The following ZFYVE26 variants were observed in gnomAD, a reference collection of about 807,000 sequenced individuals.
ZFYVE26 encodes the protein zinc finger FYVE-type containing 26.
Under a neutral mutation model 276.5 loss-of-function variants are expected in ZFYVE26, and 181 were observed. That is an observed-to-expected ratio of 0.65 (90% CI 0.58 to 0.74). The LOEUF (loss-of-function observed/expected upper bound fraction) is 0.74. Among genes scored for constraint, ZFYVE26 ranks in the 30% least tolerant of loss-of-function variants. ZFYVE26 has a pLI of 0.00. For missense variants in ZFYVE26, 2,821 were observed against 3,097.9 expected, an observed-to-expected ratio of 0.91 and a Z score of 2.12; for synonymous variants, 1,129 against 1,203.1, an observed-to-expected ratio of 0.94 and a Z score of 1.27.
intron 41 of ZFYVE26, among the ~76,000 whole-genome samples, chr14:67,749,537 G>A (rs1277750600): frequency 6.6e-6 from 1 of 152,168 alleles, no homozygotes; most frequent in Admixed American, 6.5e-5. Context: ...AGCTGCCACA[G>A]AGCTTCTGCC....
chr14:67,809,264 C>T lies in ZFYVE26; in HGVS notation c.299G>A (p.Arg100Lys), dbSNP rs1383786200. ...TGACAATAAAAGAAACTCAAGCTTT[C>T]TCCGGAAAACAACTGGGAGTAACTT... is the stretch of plus-strand genomic sequence containing the variant. ...EKKLLPVVFRRKLEFLLLSED... is the reference protein window; with the variant it reads ...EKKLLPVVFRKKLEFLLLSED... Residue 100 changes from arginine to lysine, a missense_variant, in exon 4 of 42, where the codon AGA becomes AAA. Coordinates refer to ENST00000347230, the MANE Select transcript of ZFYVE26 (RefSeq NM_015346.4). 6.2e-7 allele frequency: 1 copy of T among 1,613,996 alleles called. No individual in the cohort carries two copies. The highest frequency in any genetic ancestry group is 8.5e-7 in the Non-Finnish European group (1 of 1,179,946).
chr14:67,797,810 C>A, intron 11 of ZFYVE26, 55 bp from the exon 12 acceptor site: 4 of 1,606,728 alleles, frequency 2.5e-6, no homozygotes, highest in Non-Finnish European at 3.4e-6. Context: ...TTGATTTGGC[C>A]CTTTCTTGGC....
chr14:67,753,531 T>C (rs901338470), intron 39 of ZFYVE26, among the ~76,000 whole-genome samples, 176 bp downstream of exon 39: 3 of 152,240 alleles, frequency 2.0e-5, no homozygotes, highest in African/African-American at 7.2e-5. Context: ...TCTGGCAAAG[T>C]GGCCTAGAGT....
intron 1 of ZFYVE26, 32 bp from the exon 2 acceptor site, chr14:67,816,078 CAG>C: frequency 1.2e-6 from 1 of 837,668 alleles, no homozygotes. Context: ...TGAGAAGAAA[CAG>C]AAGGCACTGT....
intron 16 of ZFYVE26, among the ~76,000 whole-genome samples, chr14:67,787,009 A>C (rs2039676283): frequency 6.6e-6 from 1 of 152,152 alleles, no homozygotes; most frequent in Non-Finnish European, 1.5e-5. Flanking sequence ...ATTCATGGAG[A>C]TAGAGAATAG....
Position 67,766,298 on chromosome 14 carries a change from C to T in ZFYVE26, c.5940G>A (p.Lys1980=), listed in dbSNP as rs1234092198. The T allele has an allele frequency of 3.7e-6, 6 of 1,613,878 alleles. No homozygotes were observed. In the South Asian group the frequency reaches 5.5e-5, roughly 15 times the overall value. ...TCATCTTGGCGCTGAACAGCAGCTG[C>T]TTCATGATGTCCGTGAGCAGCCCGG... ...VDAGLLTDIM[K]QLLFSAKMMF... is the part of the protein sequence containing the mutation. The change falls in exon 32 of 42, where the codon AAG becomes AAA. Residue 1980 remains lysine (K), a synonymous_variant. Transcript: ENST00000347230.
chr14:67,798,448 A>G lies in ZFYVE26; in HGVS notation c.1814T>C (p.Ile605Thr). Residue 605 changes from isoleucine (I) to threonine (T), a missense_variant, in exon 11 of 42, where the codon ATT (isoleucine) becomes ACT (threonine). Ile to Thr is a moderately conservative substitution (Grantham distance 89). Coordinates refer to ENST00000347230, the MANE Select transcript of ZFYVE26 (RefSeq NM_015346.4). ...CAAACCTGAGGGGCTCTTCCCCTCAATGTCATCATCCTCAGCATAGTCCTC... is the reference window on the plus strand; with the variant it reads ...CAAACCTGAGGGGCTCTTCCCCTCAGTGTCATCATCCTCAGCATAGTCCTC... ...LPEDYAEDDD[I>T]EGKSPSGLRS... 6.2e-7 allele frequency: 1 copy of G among 1,614,096 alleles called. No homozygotes were observed. The highest frequency in any genetic ancestry group is 8.5e-7 in the Non-Finnish European group (1 of 1,179,978).
chr14:67,804,110 G>A lies in ZFYVE26; in HGVS notation c.1426C>T (p.Gln476Ter), dbSNP rs746612556. 1 of 1,614,152 alleles carries A rather than the reference G, an allele frequency of 6.2e-7. No individual in the cohort carries two copies. The highest frequency in any genetic ancestry group is 1.1e-5 in the South Asian group (1 of 91,086). ...LQKVPAKDPQ[Q>*]EPDAVDAPVP... ...TTCCATCCCAACTCACCAGGCTCTT[G>A]CTGGGGGTCCTTGGCTGGCACTTTC... is the stretch of plus-strand genomic sequence containing the variant. Residue 476 changes from glutamine (Q) to a stop codon, truncating the protein, a stop_gained, in exon 9 of 42, where the codon CAA (glutamine) becomes TAA (stop). Transcript: ENST00000347230. LOFTEE classifies it high-confidence loss of function.
At chr14:67,807,261 AGCATC>A (rs1277511641) in intron 5 of ZFYVE26, 132 bp downstream of exon 5, 2 of 1,126,906 alleles carry the variant, frequency 1.8e-6, no homozygotes, top group East Asian at 4.9e-5. Flanking sequence ...TTTACGAAAG[AGCATC>A]GCACCCATTT....
intron 8 of ZFYVE26, 89 bp from the exon 9 acceptor site, chr14:67,804,353 C>T (rs544235529): frequency 2.3e-5 from 35 of 1,489,816 alleles, no homozygotes; most frequent in African/African-American, 1.2e-4. Context: ...TGTTCTTCCT[C>T]TCTGGACCAT....
intron 40 of ZFYVE26, among the ~76,000 whole-genome samples, chr14:67,751,749 T>G (rs2140180223): frequency 6.6e-6 from 1 of 151,784 alleles, no homozygotes; most frequent in East Asian, 1.9e-4. Context: ...GGTGGGCGCC[T>G]GTAGTCCCAG....
intron 13 of ZFYVE26, among the ~76,000 whole-genome samples, chr14:67,732,621 G>C (rs2038297059): frequency 6.6e-6 from 1 of 151,406 alleles, no homozygotes; most frequent in South Asian, 2.1e-4. Flanking sequence ...TTGTCGCCCA[G>C]GCTGGATTTC....
chr14:67,799,367 G>A lies in ZFYVE26; in HGVS notation c.1640-745C>T, dbSNP rs113433313. 2.6e-3 allele frequency: 4,216 copies of A among 1,611,478 alleles called. 110 individuals are homozygous for A. The African/African-American group carries it at 0.048, about 18-fold the overall frequency. ...GCAATCCTATAAGGCCTTTGTCAAA[G>A]AATCGAAACAAAAGATGAATGCAAG... is the stretch of plus-strand genomic sequence containing the variant. On this transcript the variant is annotated intron_variant, in intron 10 of 41. Coordinates refer to ENST00000347230, the MANE Select transcript of ZFYVE26 (RefSeq NM_015346.4).
intron 40 of ZFYVE26, 62 bp downstream of exon 40, chr14:67,752,282 A>C (rs2038667464): frequency 6.5e-7 from 1 of 1,541,808 alleles, no homozygotes; most frequent in Non-Finnish European, 8.8e-7. Context: ...AGAACAATAA[A>C]GATGGGGATG....
At chr14:67,781,634 G>C in intron 21 of ZFYVE26, 105 bp from the exon 22 acceptor site, 1 of 1,000,722 alleles carries the variant, frequency 1.0e-6, no homozygotes, top group Non-Finnish European at 1.5e-6. Context: ...TCGTAAAAGA[G>C]GAGCTTGGAG....
Position 67,775,132 on chromosome 14 carries a change from G to T in ZFYVE26, c.5222-18C>A, listed in dbSNP as rs374317638. On this transcript the variant is annotated intron_variant, in intron 26 of 41. Coordinates refer to ENST00000347230, the MANE Select transcript of ZFYVE26 (RefSeq NM_015346.4). Reference sequence around the variant, plus strand: ...CACAGAATCTGTAGAGAGGGAAAATGCTGACAAAATATGGTTCTACCATAA... The same window carrying T: ...CACAGAATCTGTAGAGAGGGAAAATTCTGACAAAATATGGTTCTACCATAA... 18 of 1,559,242 alleles carry T rather than the reference G, an allele frequency of 1.2e-5. No individual in the cohort carries two copies. Among genetic ancestry groups the T allele is most frequent in the Non-Finnish European group, 1.6e-5 (18 of 1,137,242 alleles).
In ZFYVE26 at chr14:67,762,285, A is replaced by G. The variant is rs367857763; in HGVS notation, c.6287T>C (p.Leu2096Pro). 4.3e-6 allele frequency: 7 copies of G among 1,614,112 alleles called. No homozygotes were observed. The highest frequency in any genetic ancestry group is 1.6e-4 in the Middle Eastern group (1 of 6,062). ...CCTTGAGCCATGATTCAGCTGATTG[A>G]GGTCAAATGGGGGCTTCAGACAGCG... The part of the protein sequence containing the change: ...FSRCLKPPFD[L>P]NQLNHGSRLV... Residue 2096 changes from leucine to proline, a missense_variant, in exon 34 of 42, where the codon CTC becomes CCC. Transcript: ENST00000347230.
At chr14:67,814,661 T>C (rs1054668378) in intron 2 of ZFYVE26, among the ~76,000 whole-genome samples, 6 of 152,206 alleles carry the variant, frequency 3.9e-5, no homozygotes, top group Non-Finnish European at 4.4e-5. Flanking sequence ...CCATAATAGC[T>C]AATACTATCT....
intron 18 of ZFYVE26, 67 bp from the exon 19 acceptor site, chr14:67,785,344 C>G (rs1390354782): frequency 2.8e-6 from 4 of 1,428,794 alleles, no homozygotes; most frequent in Non-Finnish European, 3.8e-6. Context: ...GGGTCAATTT[C>G]TGACTGGATA....
Sources: gnomAD v4.1 joint callset for allele counts (sites outside exome capture counted in the v4.1 genomes callset) on GRCh38, gnomAD v4.1.1 for gene constraint, MANE v1.5 for transcripts, NCBI Gene and HGNC (gene_info 2026-07-23, HGNC 2026-07-21) for gene names.